The following ZNF143 variants were observed in gnomAD, a reference collection of about 807,000 sequenced individuals.
ZNF143 encodes the protein zinc finger protein 143.
In ZNF143, 49 loss-of-function variants were observed where a neutral mutation model predicts 74.1. That is an observed-to-expected ratio of 0.66 (90% confidence interval 0.53 to 0.84). ZNF143 has a LOEUF of 0.84. Among genes scored for constraint, ZNF143 ranks in the 40% least tolerant of loss-of-function variants. ZNF143 has a pLI of 0.00. For missense variants in ZNF143, 637 were observed against 793.4 expected, an observed-to-expected ratio of 0.80 and a Z score of 2.37; for synonymous variants, 304 against 282.8, an observed-to-expected ratio of 1.07 and a Z score of -0.75.
rs138037210 is a variant in ZNF143, at chr11:9,510,374, T to C, written c.1375+1528T>C. Among the ~76,000 whole-genome samples the C allele has an allele frequency of 3.3e-3, 506 of 152,222 alleles. 15 individuals are homozygous for C. In the East Asian group the frequency reaches 0.085, roughly 26 times the overall value. The stretch of plus-strand genomic sequence containing the variant: ...CTCCTGACCTCGTGATCCGCCCACC[T>C]CGGCCTCCCAAAGTGCTGGGATTAC... On this transcript the variant is annotated intron_variant, in intron 12 of 15. Coordinates refer to ENST00000396602, the MANE Select transcript of ZNF143 (RefSeq NM_003442.6).
At chr11:9,496,181 T>G (rs1447331525) in intron 8 of ZNF143, 122 bp from the exon 9 acceptor site, 2 of 796,760 alleles carry the variant, frequency 2.5e-6, no homozygotes, top group African/African-American at 3.5e-5. Flanking sequence ...GTTATCTTTT[T>G]TATAAGAAAA....
chr11:9,527,480 G>T, intron 15 of ZNF143, 50 bp from the exon 16 acceptor site: 1 of 1,562,004 alleles, frequency 6.4e-7, no homozygotes, highest in South Asian at 1.1e-5. Context: ...GCATTTTCTT[G>T]ACTGTGGCTT....
At position 9,496,336 on chromosome 11, in the gene ZNF143, T is replaced by C; in HGVS notation, c.799T>C (p.Tyr267His). The change falls in exon 9 of 16, where the codon TAT becomes CAT. Residue 267 changes from tyrosine to histidine, a missense_variant. By Grantham distance (83) the Tyr-to-His change is moderately conservative (BLOSUM62 2). Coordinates refer to ENST00000396602, the MANE Select transcript of ZNF143 (RefSeq NM_003442.6). Reference protein sequence around the residue: ...HERSHTGDRPYQCEHAGCGKA... With the variant: ...HERSHTGDRPHQCEHAGCGKA... ...GAGGTCACACACAGGAGATCGGCCTTATCAGTGTGAGCATGCAGGCTGTGG... is the reference window on the plus strand; with the variant it reads ...GAGGTCACACACAGGAGATCGGCCTCATCAGTGTGAGCATGCAGGCTGTGG... 1.9e-6 allele frequency: 3 copies of C among 1,614,142 alleles called. No homozygotes were observed. Among genetic ancestry groups the C allele is most frequent in the Non-Finnish European group, 2.5e-6 (3 of 1,180,036 alleles).
Position 9,525,267 on chromosome 11 carries a change from G to C in ZNF143, c.1714G>C (p.Ala572Pro), listed in dbSNP as rs1269975421. Reference protein sequence around the residue: ...QVAIVAQDLAAFHTASSEMGH... With the variant: ...QVAIVAQDLAPFHTASSEMGH... The stretch of plus-strand genomic sequence containing the variant: ...TGCAATTGTAGCTCAAGACTTGGCA[G>C]CATTCCATACTGCCTCATCAGAAAT... The change falls in exon 15 of 16, where the codon GCA (alanine) becomes CCA (proline). Residue 572 changes from alanine (A) to proline (P), a missense_variant. Transcript: ENST00000396602. 1 of 1,614,032 alleles carries C rather than the reference G, an allele frequency of 6.2e-7. No homozygotes were observed. The highest frequency in any genetic ancestry group is 8.5e-7 in the Non-Finnish European group (1 of 1,180,046).
intron 7 of ZNF143, among the ~76,000 whole-genome samples, chr11:9,488,444 A>G (rs1847645287): frequency 6.6e-6 from 1 of 152,138 alleles, no homozygotes; most frequent in South Asian, 2.1e-4. Flanking sequence ...TGTAAACATA[A>G]TACTCTCATG....
intron 11 of ZNF143, among the ~76,000 whole-genome samples, chr11:9,507,862 G>A (rs1424821834): frequency 1.3e-5 from 2 of 152,214 alleles, no homozygotes; most frequent in African/African-American, 4.8e-5. Flanking sequence ...TCGGGAAGAA[G>A]GGGGAAATGG....
chr11:9,486,371 A>AATATAT lies in ZNF143; in HGVS notation c.645+6826_645+6831dup, dbSNP rs1554964384. On this transcript the variant is annotated intron_variant, in intron 7 of 15. Transcript: ENST00000396602. ...TATATATTATATATATATTATATATAATATATTATATATATAATATATATA... is the reference window on the plus strand; with the variant it reads ...TATATATTATATATATATTATATATAATATATATATATTATATATATAATATATATA... 1.8e-3 allele frequency among the ~76,000 whole-genome samples: 67 copies of AATATAT among 36,718 alleles called. 3 individuals carry two copies. The highest frequency in any genetic ancestry group is 8.4e-3 in the African/African-American group (67 of 7,938). The allele number at this position is 36,718 out of a possible 152,430, so 24.1% of individuals were successfully genotyped here.
chr11:9,475,403 G>T (rs1021016318), intron 5 of ZNF143, among the ~76,000 whole-genome samples: 3 of 152,074 alleles, frequency 2.0e-5, no homozygotes, highest in Non-Finnish European at 4.4e-5. Flanking sequence ...AGGACTACAC[G>T]TGTGTGTCAC....
At chr11:9,488,899 A>G (rs528572367) in intron 7 of ZNF143, among the ~76,000 whole-genome samples, 3 of 152,330 alleles carry the variant, frequency 2.0e-5, no homozygotes, top group Admixed American at 2.0e-4. Flanking sequence ...AATAGAAAAA[A>G]AAAAGATTTA....
chr11:9,493,429 GT>G (rs1168100540), intron 7 of ZNF143, among the ~76,000 whole-genome samples: 1 of 152,000 alleles, frequency 6.6e-6, no homozygotes, highest in Non-Finnish European at 1.5e-5. Context: ...GAAAATTATG[GT>G]CTGCAACATT....
Position 9,472,680 on chromosome 11 carries a change from G to A in ZNF143, c.116G>A (p.Gly39Asp), listed in dbSNP as rs771157990. 1 of 1,610,080 alleles carries A rather than the reference G, an allele frequency of 6.2e-7. No individual in the cohort carries two copies. Among genetic ancestry groups the A allele is most frequent in the Admixed American group, 1.7e-5 (1 of 58,972 alleles). The change falls in exon 3 of 16, where the codon GGT (glycine) becomes GAT (aspartate). Residue 39 changes from glycine to aspartate, a missense_variant. By Grantham distance (94) the Gly-to-Asp change is moderately conservative. Coordinates refer to ENST00000396602, the MANE Select transcript of ZNF143 (RefSeq NM_003442.6). ...CLTEAVTVAD[G>D]DNLENMEGVS... ...AATATTGATTTTTTTGTAATAGATG[G>A]TGACAACTTAGAAAATATGGAAGGC...
chr11:9,467,405 C>T (rs1245847635), intron 1 of ZNF143, among the ~76,000 whole-genome samples: 2 of 151,382 alleles, frequency 1.3e-5, no homozygotes, highest in African/African-American at 2.4e-5. Context: ...GGCTGATTTT[C>T]TTATATTTTT....
chr11:9,493,646 C>T (rs1016218378), intron 7 of ZNF143, among the ~76,000 whole-genome samples: 3 of 152,074 alleles, frequency 2.0e-5, no homozygotes, highest in Non-Finnish European at 2.9e-5. Context: ...CTGCCTTTAC[C>T]GTTCTGGGAT....
intron 1 of ZNF143, among the ~76,000 whole-genome samples, chr11:9,461,337 C>T (rs1020307385): frequency 6.6e-6 from 1 of 152,208 alleles, no homozygotes; most frequent in Non-Finnish European, 1.5e-5. Flanking sequence ...TGTCTCTGAG[C>T]GATGCGCCCC....
intron 1 of ZNF143, among the ~76,000 whole-genome samples, chr11:9,469,310 C>CA (rs1321044997): frequency 6.8e-6 from 1 of 147,248 alleles, no homozygotes; most frequent in Non-Finnish European, 1.5e-5. Context: ...CGGCTCACTG[C>CA]AACCTCCACC....
chr11:9,468,840 A>C (rs1052594646), intron 1 of ZNF143, among the ~76,000 whole-genome samples: 1 of 151,928 alleles, frequency 6.6e-6, no homozygotes, highest in African/African-American at 2.4e-5. Context: ...CGACTTTCAT[A>C]TATCATATAT....
At chr11:9,469,687 A>G (rs1294402324) in intron 1 of ZNF143, among the ~76,000 whole-genome samples, 2 of 151,998 alleles carry the variant, frequency 1.3e-5, no homozygotes, top group Non-Finnish European at 2.9e-5. Flanking sequence ...TTTTCTTTAA[A>G]TGTGCGTGCC....
chr11:9,478,065 A>G (rs1396327029), intron 5 of ZNF143, among the ~76,000 whole-genome samples: 1 of 152,168 alleles, frequency 6.6e-6, no homozygotes. Flanking sequence ...TGACCTCGTG[A>G]TCCGCCCGCC....
intron 14 of ZNF143, among the ~76,000 whole-genome samples, chr11:9,517,481 A>G (rs1387364868): frequency 6.6e-6 from 1 of 152,130 alleles, no homozygotes; most frequent in African/African-American, 2.4e-5. Flanking sequence ...ATGTATTCGT[A>G]ATTGTGATCA....
Sources: allele counts gnomAD v4.1 joint callset (sites outside exome capture counted in the v4.1 genomes callset), GRCh38; gene constraint gnomAD v4.1.1; transcripts MANE v1.5; gene names NCBI Gene and HGNC (gene_info 2026-07-23, HGNC 2026-07-21).